BTBD7: variants seen among roughly 807,000 people sequenced by gnomAD.
BTBD7 encodes the protein BTB domain containing 7, also known as BTB/POZ domain-containing protein 7.
Under a neutral mutation model 99.9 loss-of-function variants are expected in BTBD7, and 38 were observed. The observed-to-expected ratio is 0.38, with a 90% CI of 0.29 to 0.50. The LOEUF (loss-of-function observed/expected upper bound fraction) is 0.50, where lower values mean the gene tolerates loss of function less well. BTBD7 is among the 20% of genes least tolerant of loss of function. The pLI is 0.93. For missense variants in BTBD7, 1,170 were observed against 1,394.6 expected (o/e 0.84, Z 2.57); for synonymous variants, 520 against 511.4 (o/e 1.02, Z -0.23).
intron 5 of BTBD7, among the ~76,000 whole-genome samples, chr14:93,260,558 T>G (rs2052475767): frequency 6.6e-6 from 1 of 152,078 alleles, no homozygotes; most frequent in Non-Finnish European, 1.5e-5. Flanking sequence ...ACAACATTTT[T>G]TTTTTTTTTT....
intron 1 of BTBD7, among the ~76,000 whole-genome samples, chr14:93,298,189 A>C (rs1038785093): frequency 2.0e-5 from 3 of 152,242 alleles, no homozygotes; most frequent in African/African-American, 7.2e-5. Context: ...TCAGAAGCGG[A>C]CAAGAATTTA....
chr14:93,297,045 G>C lies in BTBD7; in HGVS notation c.-106-888C>G, dbSNP rs566520849. Among the ~76,000 whole-genome samples, 125 of 152,294 alleles carry C rather than the reference G, an allele frequency of 8.2e-4. 7 individuals carry two copies. The South Asian group carries it at 0.025, about 30-fold the overall frequency. On this transcript the variant is annotated intron_variant, in intron 1 of 10. Transcript: ENST00000334746. ...AATCTATCTGACTAAATGGGGTAAC[G>C]AGTTTAAGAAGAGAAAACGCCATTT...
At chr14:93,260,902 CTCT>C (rs995804375) in intron 5 of BTBD7, among the ~76,000 whole-genome samples, 2 of 151,622 alleles carry the variant, frequency 1.3e-5, no homozygotes, top group African/African-American at 4.8e-5. Context: ...TTTATTTGTA[CTCT>C]TTTTTTTTTT....
At chr14:93,292,150 G>C (rs1022841160) in intron 3 of BTBD7, among the ~76,000 whole-genome samples, 18 of 152,124 alleles carry the variant, frequency 1.2e-4, no homozygotes, top group African/African-American at 4.3e-4. Context: ...TTGCGCCATT[G>C]CACTCCAGCC....
At chr14:93,271,531 G>T (rs1411715757) in intron 3 of BTBD7, among the ~76,000 whole-genome samples, 1 of 152,170 alleles carries the variant, frequency 6.6e-6, no homozygotes, top group South Asian at 2.1e-4. Context: ...GTACAAACAG[G>T]CTCGAGAGAA....
chr14:93,260,468 C>T (rs562339705), intron 5 of BTBD7, among the ~76,000 whole-genome samples: 1 of 152,324 alleles, frequency 6.6e-6, no homozygotes, highest in African/African-American at 2.4e-5. Flanking sequence ...CAGCCTCCAA[C>T]ATATGATGCT....
At chr14:93,270,617 T>TCCAG (rs1246180153) in intron 3 of BTBD7, among the ~76,000 whole-genome samples, 1 of 150,552 alleles carries the variant, frequency 6.6e-6, no homozygotes, top group Non-Finnish European at 1.5e-5. Flanking sequence ...ATCACTTGAA[T>TCCAG]CCAGGAGGCA....
chr14:93,302,812 T>G (rs1364774269), intron 1 of BTBD7, among the ~76,000 whole-genome samples: 2 of 152,014 alleles, frequency 1.3e-5, no homozygotes, highest in Non-Finnish European at 2.9e-5. Flanking sequence ...ATCACTGTAC[T>G]CCGCCCTGGG....
chr14:93,324,371 G>C (rs1057508687), intron 1 of BTBD7, among the ~76,000 whole-genome samples: 1 of 150,194 alleles, frequency 6.7e-6, no homozygotes, highest in Non-Finnish European at 1.5e-5. Context: ...GGAGTGAGCT[G>C]TGATTGTATC....
chr14:93,288,752 C>T, intron 3 of BTBD7: 1 of 1,599,176 alleles, frequency 6.3e-7, no homozygotes, highest in Non-Finnish European at 8.5e-7. Context: ...ATTTTATAAC[C>T]CCTGAGTGTA....
At position 93,332,872 on chromosome 14, in the gene BTBD7, T is replaced by C; in HGVS notation, c.-159A>G. 1.4e-6 allele frequency: 2 copies of C among 1,466,432 alleles called. No homozygotes were observed. The highest frequency in any genetic ancestry group is 2.6e-5 in the South Asian group (2 of 78,060). 90.8% of individuals were successfully genotyped at this position (1,466,432 alleles called of 1,614,324 possible). Reference sequence around the variant, plus strand: ...TGCCGCTGGGACCGCTGCCGTCGCCTCCGCCGCCGCCGCCACCAGCACCGC... The same window carrying C: ...TGCCGCTGGGACCGCTGCCGTCGCCCCCGCCGCCGCCGCCACCAGCACCGC... On this transcript the variant is annotated 5_prime_UTR_variant, in exon 1 of 11. Transcript: ENST00000334746.
intron 1 of BTBD7, among the ~76,000 whole-genome samples, chr14:93,298,593 C>A (rs940407073): frequency 6.6e-6 from 1 of 151,994 alleles, no homozygotes; most frequent in African/African-American, 2.4e-5. Context: ...GAAAAAATCC[C>A]AAACCTGAAA....
At position 93,238,152 on chromosome 14, in the gene BTBD7, G is replaced by A. The variant is rs2052181611; in HGVS notation, c.*4121C>T. The A allele has an allele frequency of 6.6e-6, 1 of 152,472 alleles. No homozygotes were observed. Among genetic ancestry groups the A allele is most frequent in the Non-Finnish European group, 1.5e-5 (1 of 68,036 alleles). The allele number at this position is 152,472 out of a possible 1,614,324, so 9.4% of individuals were successfully genotyped here. ...TCACATAAACACACAAATACAAGAG[G>A]TTATTTTCAAGACACACACTTGCAA... On this transcript the variant is annotated 3_prime_UTR_variant, in exon 11 of 11. Coordinates refer to ENST00000334746, the MANE Select transcript of BTBD7 (RefSeq NM_001002860.4).
rs758390102 is a variant in BTBD7, at chr14:93,296,040, A to G, written c.12T>C (p.Asn4=). Residue 4 remains asparagine, a synonymous_variant, in exon 2 of 11, where the codon AAT becomes AAC. Coordinates refer to ENST00000334746, the MANE Select transcript of BTBD7 (RefSeq NM_001002860.4). ...AACATGAATGAGGATAATTAGATGC[A>G]TTAGCACCCATTTTCTTCAGTCACT... MGA[N]ASNYPHSCSP... is the part of the protein sequence containing the mutation. 1.1e-5 allele frequency: 18 copies of G among 1,613,682 alleles called. No individual in the cohort carries two copies. The East Asian group carries it at 4.0e-4, about 36-fold the overall frequency.
At chr14:93,258,185 G>GT (rs1221093184) in intron 5 of BTBD7, among the ~76,000 whole-genome samples, 1 of 151,152 alleles carries the variant, frequency 6.6e-6, no homozygotes, top group East Asian at 1.9e-4. Flanking sequence ...AGGAAAACTG[G>GT]TATCTTCCTT....
intron 1 of BTBD7, among the ~76,000 whole-genome samples, chr14:93,325,755 ATATC>A (rs2053323860): frequency 6.7e-6 from 1 of 148,234 alleles, no homozygotes; most frequent in African/African-American, 2.5e-5. Context: ...TATCACAACT[ATATC>A]TAAAAACCCC....
rs1336556935 is a variant in BTBD7 at position 93,240,877 on chromosome 14, A to AT, written c.*1395dup. 1.3e-5 allele frequency: 2 copies of AT among 152,572 alleles called. No individual in the cohort carries two copies. The highest frequency in any genetic ancestry group is 2.9e-5 in the Non-Finnish European group (2 of 68,020). The allele number at this position is 152,572 out of a possible 1,614,324, so 9.5% of individuals were successfully genotyped here. ...GACATGTAGTGTTTAACTGAAAACA[A>AT]TTTTTTTCCTTTTTTCTGTTGGTGA... On this transcript the variant is annotated 3_prime_UTR_variant, in exon 11 of 11. Transcript: ENST00000334746.
At chr14:93,307,971 TCA>T (rs2053090089) in intron 1 of BTBD7, among the ~76,000 whole-genome samples, 1 of 152,184 alleles carries the variant, frequency 6.6e-6, no homozygotes, top group African/African-American at 2.4e-5. Flanking sequence ...CCATATTCCT[TCA>T]CAGTCTAAGC....
intron 3 of BTBD7, among the ~76,000 whole-genome samples, chr14:93,271,353 G>A (rs563762053): frequency 2.4e-4 from 37 of 152,238 alleles, no homozygotes; most frequent in Non-Finnish European, 4.6e-4. Context: ...TATTGAGGTC[G>A]GGGTGGAAAG....
Sources: allele counts gnomAD v4.1 joint callset (sites outside exome capture counted in the v4.1 genomes callset), GRCh38; gene constraint gnomAD v4.1.1; transcripts MANE v1.5; gene names NCBI Gene and HGNC (gene_info 2026-07-23, HGNC 2026-07-21).